LOC128462377: variants seen among roughly 807,000 people sequenced by gnomAD.
At chr16:89,374,175 G>A in the LOC128462377 span, among the ~76,000 whole-genome samples, 2 of 151,998 alleles carry the variant, frequency 1.3e-5, no homozygotes, top group Non-Finnish European at 2.9e-5. Context: ...CTTTATTCAC[G>A]GCAATTCTTT....
At chr16:89,390,414 G>A in the LOC128462377 span, among the ~76,000 whole-genome samples, 1 of 152,208 alleles carries the variant, frequency 6.6e-6, no homozygotes, top group African/African-American at 2.4e-5. Flanking sequence ...GTGTGGCGTG[G>A]GTGAGGTGCA....
the LOC128462377 span, among the ~76,000 whole-genome samples, chr16:89,387,703 A>G: frequency 1.4e-4 from 19 of 140,474 alleles, no homozygotes; most frequent in African/African-American, 4.2e-4. Context: ...AAAAAAAAAA[A>G]AAAAAAAGAC....
At chr16:89,324,889 T>A in the LOC128462377 span, 1 of 230,704 alleles carries the variant, frequency 4.3e-6, no homozygotes, top group South Asian at 5.2e-5. Flanking sequence ...TGTGAGTCAA[T>A]ACTCCCAATA....
At chr16:89,369,853 G>A in the LOC128462377 span, among the ~76,000 whole-genome samples, 1 of 152,224 alleles carries the variant, frequency 6.6e-6, no homozygotes, top group Non-Finnish European at 1.5e-5. Context: ...GCTTGGCAAT[G>A]TGTACAAGGG....
At chr16:89,389,270 C>T in the LOC128462377 span, among the ~76,000 whole-genome samples, 1 of 152,076 alleles carries the variant, frequency 6.6e-6, no homozygotes, top group Admixed American at 6.6e-5. Flanking sequence ...AGCAATCTTC[C>T]CACCTTGGCT....
the LOC128462377 span, among the ~76,000 whole-genome samples, chr16:89,378,796 G>T: frequency 6.6e-6 from 1 of 152,190 alleles, no homozygotes; most frequent in Non-Finnish European, 1.5e-5. Flanking sequence ...ATGTTGGCCA[G>T]GCTGGTCTCA....
chr16:89,317,051 C>A, the LOC128462377 span: 1 of 1,600,250 alleles, frequency 6.2e-7, no homozygotes, highest in Non-Finnish European at 8.5e-7. Flanking sequence ...TTCATTTACA[C>A]GGCCGGCGCT....
chr16:89,381,749 C>G, the LOC128462377 span, among the ~76,000 whole-genome samples: 1 of 152,114 alleles, frequency 6.6e-6, no homozygotes, highest in Admixed American at 6.5e-5. Flanking sequence ...GCATATACAC[C>G]CCTCCTTACC....
chr16:89,352,932 A>C, the LOC128462377 span, among the ~76,000 whole-genome samples: 1 of 152,232 alleles, frequency 6.6e-6, no homozygotes, highest in East Asian at 1.9e-4. Flanking sequence ...ACTACAACAA[A>C]ATTATTTTAA....
the LOC128462377 span, among the ~76,000 whole-genome samples, chr16:89,369,263 G>A: frequency 1.9e-4 from 29 of 152,376 alleles, no homozygotes; most frequent in Non-Finnish European, 4.0e-4. Context: ...ACCTAGGTAC[G>A]CCCGAGAAAT....
chr16:89,347,774 C>T, the LOC128462377 span, among the ~76,000 whole-genome samples: 30 of 151,046 alleles, frequency 2.0e-4, no homozygotes, highest in Non-Finnish European at 3.5e-4. Flanking sequence ...ACAAACATCT[C>T]CAACATTAGG....
chr16:89,375,931 G>C, the LOC128462377 span, among the ~76,000 whole-genome samples: 4,503 of 152,254 alleles, frequency 0.03, 154 homozygotes, highest in African/African-American at 0.075. Flanking sequence ...TGTGACTTTA[G>C]GAAAAGCTAA....
At chr16:89,323,364 C>A in the LOC128462377 span, 1 of 1,286,854 alleles carries the variant, frequency 7.8e-7, no homozygotes, top group Non-Finnish European at 1.0e-6. Context: ...TGGCCTCTCA[C>A]CTCTCACCAT....
the LOC128462377 span, among the ~76,000 whole-genome samples, chr16:89,376,530 T>C: frequency 6.6e-6 from 1 of 152,174 alleles, no homozygotes; most frequent in Non-Finnish European, 1.5e-5. Flanking sequence ...TTCCACCTGC[T>C]GGGTTCAAGC....
the LOC128462377 span, among the ~76,000 whole-genome samples, chr16:89,397,456 G>A: frequency 6.6e-6 from 1 of 152,246 alleles, no homozygotes; most frequent in African/African-American, 2.4e-5. Context: ...CAGCCACACA[G>A]GGGGACCCAC....
the LOC128462377 span, among the ~76,000 whole-genome samples, chr16:89,373,887 G>A: frequency 1.3e-5 from 2 of 152,216 alleles, no homozygotes; most frequent in African/African-American, 4.8e-5. Flanking sequence ...ACACAGAGGT[G>A]GGGCCTGAGT....
the LOC128462377 span, among the ~76,000 whole-genome samples, chr16:89,327,605 C>A: frequency 2.0e-5 from 3 of 152,142 alleles, no homozygotes; most frequent in South Asian, 4.1e-4. Context: ...AAGACAGTAC[C>A]ATCCTATTTC....
the LOC128462377 span, among the ~76,000 whole-genome samples, chr16:89,405,213 A>T: frequency 5.3e-5 from 8 of 152,144 alleles, no homozygotes; most frequent in Admixed American, 3.3e-4. Flanking sequence ...AATAAATAAA[A>T]AATCTTGTGG....
chr16:89,340,062 C>T, the LOC128462377 span: 1 of 152,188 alleles, frequency 6.6e-6, no homozygotes, highest in Non-Finnish European at 1.5e-5. Context: ...TGTTGACTAA[C>T]ATTTGTTTTT....
Sources: allele counts gnomAD v4.1 joint callset (sites outside exome capture counted in the v4.1 genomes callset), GRCh38; gene constraint gnomAD v4.1.1; transcripts MANE v1.5.